The following DPY30 variants were observed in gnomAD, a reference collection of about 807,000 sequenced individuals.
DPY30 encodes dpy-30 histone methyltransferase complex regulatory subunit.
In DPY30, 6 loss-of-function variants were observed where a neutral mutation model predicts 16.2. That is an observed-to-expected ratio of 0.37 (90% CI 0.20 to 0.73). The LOEUF (loss-of-function observed/expected upper bound fraction) is 0.73, where lower values mean the gene tolerates loss of function less well. DPY30 is among the 30% of genes least tolerant of loss of function. The probability of loss-of-function intolerance (pLI) is 0.51; values close to 1 mark genes in which losing one functional copy is unlikely to be tolerated. For synonymous variants in DPY30, 39 were observed against 38.8 expected (o/e 1.00, Z -0.02); for missense variants, 73 against 113.1 (o/e 0.65, Z 1.61).
chr2:32,037,371 T>G (rs148189264), intron 3 of DPY30, among the ~76,000 whole-genome samples: 2,550 of 152,130 alleles, frequency 0.017, 30 homozygotes, highest in Middle Eastern at 0.027. Context: ...GTGGTGCAAT[T>G]AGGGCTCACT....
intron 5 of DPY30, among the ~76,000 whole-genome samples, chr2:32,014,060 A>G (rs1675018708): frequency 6.6e-6 from 1 of 152,042 alleles, no homozygotes. Context: ...GGAGGGAGGA[A>G]GGGAAGGGAA....
chr2:32,033,989 G>A (rs904573547), intron 3 of DPY30, among the ~76,000 whole-genome samples: 3 of 151,926 alleles, frequency 2.0e-5, no homozygotes, highest in Admixed American at 2.0e-4. Context: ...AGTGTAGGGA[G>A]AGAGAACTTG....
At chr2:32,039,222 G>C in intron 3 of DPY30, 57 bp downstream of exon 3, 1 of 1,604,378 alleles carries the variant, frequency 6.2e-7, no homozygotes, top group Non-Finnish European at 8.5e-7. Flanking sequence ...CAGATCCCAA[G>C]TTTTCTCCAG....
downstream of DPY30, among the ~76,000 whole-genome samples, chr2:32,019,343 T>G (rs1301321371): frequency 6.6e-6 from 1 of 152,058 alleles, no homozygotes; most frequent in Non-Finnish European, 1.5e-5. Context: ...ACCTGAGAGG[T>G]AATAGGGTAT....
intron 4 of DPY30, among the ~76,000 whole-genome samples, chr2:32,028,174 G>A (rs935029383): frequency 6.8e-5 from 10 of 148,034 alleles, no homozygotes; most frequent in Admixed American, 3.4e-4. Context: ...GCAGTGGTGC[G>A]ATCACAGCTC....
intron 5 of DPY30, chr2:32,012,941 G>T (rs936506861): frequency 1.3e-5 from 2 of 152,202 alleles, no homozygotes; most frequent in African/African-American, 4.8e-5. Context: ...TGGAAAAGAG[G>T]TGTGGGGTGT....
At chr2:32,012,940 G>A (rs1483773787) in intron 5 of DPY30, 5 of 152,188 alleles carry the variant, frequency 3.3e-5, no homozygotes, top group Admixed American at 2.6e-4. Flanking sequence ...ATGGAAAAGA[G>A]GTGTGGGGTG....
At position 32,030,798 on chromosome 2, in the gene DPY30, C is replaced by CTAAA. The variant is rs558807200; in HGVS notation, c.85-1066_85-1063dup. On this transcript the variant is annotated intron_variant, in intron 3 of 4. Transcript: ENST00000342166. ...TGACCGACAAAGCAAGGCCCTGTCTCTAAATAAATAAATAAATCTATGATT... is the reference window on the plus strand; with the variant it reads ...TGACCGACAAAGCAAGGCCCTGTCTCTAAATAAATAAATAAATAAATCTATGATT... Among the ~76,000 whole-genome samples the CTAAA allele has an allele frequency of 1.5e-3, 231 of 151,700 alleles. 1 individual carries two copies. Among genetic ancestry groups the CTAAA allele is most frequent in the African/African-American group, 5.5e-3 (226 of 41,316 alleles).
intron 3 of DPY30, among the ~76,000 whole-genome samples, chr2:32,038,689 G>T (rs1350955832): frequency 9.2e-6 from 1 of 108,742 alleles, no homozygotes; most frequent in African/African-American, 3.7e-5. Flanking sequence ...TCACTCTGCC[G>T]CCCAGGCTGT....
chr2:32,016,986 G>A (rs1470035878), intron 5 of DPY30, among the ~76,000 whole-genome samples: 6 of 151,976 alleles, frequency 3.9e-5, no homozygotes, highest in Non-Finnish European at 8.8e-5. Flanking sequence ...GGGTTCAAGC[G>A]ATTCTCCTGC....
intron 3 of DPY30, among the ~76,000 whole-genome samples, chr2:32,032,647 C>T (rs1391961669): frequency 1.3e-5 from 2 of 152,140 alleles, no homozygotes; most frequent in Non-Finnish European, 2.9e-5. Flanking sequence ...ACTGCTTGAG[C>T]ACAGGAGTTT....
At chr2:32,029,063 G>A (rs775100472) in intron 4 of DPY30, among the ~76,000 whole-genome samples, 4 of 151,808 alleles carry the variant, frequency 2.6e-5, no homozygotes, top group Non-Finnish European at 4.4e-5. Flanking sequence ...CTTGAGGTTA[G>A]GAGTTCAAGA....
chr2:32,029,541 G>T, intron 4 of DPY30, 53 bp downstream of exon 4: 2 of 1,593,836 alleles, frequency 1.3e-6, no homozygotes, highest in Non-Finnish European at 1.7e-6. Context: ...TTCAGATAGG[G>T]GAATCTATTT....
rs766184804 is a variant in DPY30, at chr2:32,039,474, A to C, written c.-18T>G. The C allele has an allele frequency of 6.2e-7, 1 of 1,613,896 alleles. No homozygotes were observed. The highest frequency in any genetic ancestry group is 8.5e-7 in the Non-Finnish European group (1 of 1,179,966). ...GGCTCCATGGCGGACCCTGCAAGTC[A>C]CAGTCCCCGGATACCAGTCTTGGAA... On this transcript the variant is annotated 5_prime_UTR_variant, in exon 2 of 5. Coordinates refer to ENST00000342166, the MANE Select transcript of DPY30 (RefSeq NM_001321209.2).
downstream of DPY30, chr2:32,023,833 A>G: frequency 2.3e-6 from 3 of 1,307,344 alleles, no homozygotes; most frequent in Non-Finnish European, 3.0e-6. Context: ...GACAGAAGAA[A>G]AAGAGAAATT....
intron 5 of DPY30, among the ~76,000 whole-genome samples, chr2:32,013,639 A>G (rs1675008525): frequency 6.6e-6 from 1 of 152,242 alleles, no homozygotes; most frequent in Non-Finnish European, 1.5e-5. Context: ...TTGACACTGC[A>G]TAAGCATTAT....
chr2:32,039,560 A>C, intron 1 of DPY30, 68 bp from the exon 2 acceptor site: 1 of 1,509,662 alleles, frequency 6.6e-7, no homozygotes, highest in South Asian at 1.2e-5. Context: ...GATGGAGTGC[A>C]GCCCAGCCCC....
chr2:32,019,432 G>A (rs1211334279), downstream of DPY30, among the ~76,000 whole-genome samples: 1 of 152,198 alleles, frequency 6.6e-6, no homozygotes, highest in Non-Finnish European at 1.5e-5. Context: ...AGACCGGCTT[G>A]AGCCGAGGAG....
intron 5 of DPY30, among the ~76,000 whole-genome samples, chr2:32,013,877 A>G (rs772898930): frequency 8.5e-5 from 13 of 152,068 alleles, no homozygotes; most frequent in Non-Finnish European, 1.8e-4. Flanking sequence ...GCGTGGTGGC[A>G]GGTGCCTGTA....
Sources: gnomAD v4.1 joint callset for allele counts (sites outside exome capture counted in the v4.1 genomes callset) on GRCh38, gnomAD v4.1.1 for gene constraint, MANE v1.5 for transcripts, NCBI Gene and HGNC (gene_info 2026-07-23, HGNC 2026-07-21) for gene names.